The following TENM4 variants were observed in gnomAD, a reference collection of about 807,000 sequenced individuals.
TENM4 encodes the protein teneurin transmembrane protein 4.
TENM4 carries 82 observed loss-of-function variants against 243.3 expected under a neutral mutation model. That is an observed-to-expected ratio of 0.34 (90% CI 0.28 to 0.40). The LOEUF (loss-of-function observed/expected upper bound fraction) is 0.40, where lower values mean the gene tolerates loss of function less well. TENM4 is among the 10% of genes least tolerant of loss of function. TENM4 has a pLI of 1.00. For missense variants in TENM4, 3,138 were observed against 3,673.3 expected (o/e 0.85, Z 3.77); for synonymous variants, 1,412 against 1,456.3 (o/e 0.97, Z 0.69).
chr11:79,369,535 G>C (rs1323057533), intron 1 of TENM4, among the ~76,000 whole-genome samples: 6 of 152,138 alleles, frequency 3.9e-5, no homozygotes. Flanking sequence ...TCAAACAATT[G>C]ATAGCCAGGG....
chr11:79,236,086 C>T (rs1356240557), intron 2 of TENM4, among the ~76,000 whole-genome samples: 1 of 152,134 alleles, frequency 6.6e-6, no homozygotes, highest in East Asian at 1.9e-4. Context: ...TTCACGGTCC[C>T]TGGCCTATAT....
At chr11:78,814,804 T>C (rs1392756567) in intron 12 of TENM4, among the ~76,000 whole-genome samples, 1 of 152,230 alleles carries the variant, frequency 6.6e-6, no homozygotes, top group Admixed American at 6.5e-5. Context: ...TGATATTCCA[T>C]ACTTTGTTTT....
intron 15 of TENM4, among the ~76,000 whole-genome samples, chr11:78,802,012 G>A (rs1409122265): frequency 6.6e-6 from 1 of 152,194 alleles, no homozygotes; most frequent in Non-Finnish European, 1.5e-5. Flanking sequence ...AGAGGGTTAA[G>A]CCACATGATG....
rs564922120 is a variant in TENM4, at chr11:79,031,536, G to A, written c.493+33202C>T. ...TCAGTGGTAGGGTAGAGAGCTCACC[G>A]CTGCTGTCTCAGAATCCAGCACCGA... On this transcript the variant is annotated intron_variant, in intron 6 of 33. Transcript: ENST00000278550. 3.9e-5 allele frequency among the ~76,000 whole-genome samples: 6 copies of A among 152,142 alleles called. No homozygotes were observed. In the East Asian group the frequency reaches 5.8e-4, roughly 15 times the overall value.
At chr11:79,340,211 A>C (rs1857218867) in intron 1 of TENM4, among the ~76,000 whole-genome samples, 1 of 152,162 alleles carries the variant, frequency 6.6e-6, no homozygotes, top group African/African-American at 2.4e-5. Context: ...TCTCCTGAAG[A>C]TATTGAGAAG....
At chr11:78,859,599 A>T (rs1858766507) in intron 10 of TENM4, among the ~76,000 whole-genome samples, 1 of 152,242 alleles carries the variant, frequency 6.6e-6, no homozygotes, top group Admixed American at 6.5e-5. Context: ...TCTTGAACTG[A>T]GATCTACCTA....
intron 32 of TENM4, 45 bp from the exon 33 acceptor site, chr11:78,661,636 C>T (rs1417367179): frequency 1.9e-6 from 3 of 1,599,704 alleles, no homozygotes; most frequent in Non-Finnish European, 1.7e-6. Flanking sequence ...GTGAGTGGAC[C>T]TCATTTGCAA....
chr11:78,980,002 C>G (rs752469915), intron 6 of TENM4, among the ~76,000 whole-genome samples: 4 of 152,166 alleles, frequency 2.6e-5, no homozygotes, highest in Non-Finnish European at 5.9e-5. Flanking sequence ...ATTAAACTCT[C>G]TGAGTTACCA....
intron 1 of TENM4, among the ~76,000 whole-genome samples, chr11:79,429,996 C>T (rs1173937128): frequency 6.6e-6 from 1 of 152,078 alleles, no homozygotes; most frequent in Admixed American, 6.5e-5. Context: ...TAGCTGATGA[C>T]AAATTTAGTG....
At chr11:78,899,559 C>CGG (rs112067150) in intron 7 of TENM4, among the ~76,000 whole-genome samples, 406 of 29,340 alleles carry the variant, frequency 0.014, 4 homozygotes, top group East Asian at 0.028. Context: ...TCTCAAAAAG[C>CGG]GGGGGGGGGG....
At chr11:79,193,501 G>A (rs537343083) in intron 3 of TENM4, among the ~76,000 whole-genome samples, 7 of 152,262 alleles carry the variant, frequency 4.6e-5, no homozygotes, top group East Asian at 3.9e-4. Context: ...CTTGTGGCCC[G>A]GCCGGTCATA....
intron 1 of TENM4, among the ~76,000 whole-genome samples, chr11:79,298,911 T>C (rs956741727): frequency 6.6e-6 from 1 of 152,254 alleles, no homozygotes; most frequent in Admixed American, 6.5e-5. Flanking sequence ...AAAATGTTTC[T>C]GCAGCTCTCT....
chr11:78,842,350 G>A (rs151046577), intron 12 of TENM4, among the ~76,000 whole-genome samples: 309 of 152,264 alleles, frequency 2.0e-3, no homozygotes, highest in Middle Eastern at 0.014. Flanking sequence ...ATACAAAAGC[G>A]GTGGCATTTG....
In TENM4 at chr11:78,701,898, G is replaced by A. The variant is rs896293501; in HGVS notation, c.4715C>T (p.Thr1572Ile). The change falls in exon 28 of 34, where the codon ACC (threonine) becomes ATC (isoleucine). Residue 1572 changes from threonine (T) to isoleucine (I), a missense_variant. Thr to Ile is a moderately conservative substitution (Grantham distance 89). Coordinates refer to ENST00000278550, the MANE Select transcript of TENM4 (RefSeq NM_001098816.3). The stretch of plus-strand genomic sequence containing the variant: ...TGAAGACAGCTCATACATGTTCTGG[G>A]TGTTGAGGAAAGGCTTGTTCTTCCG... The part of the protein sequence containing the change: ...FIRKNKPFLN[T>I]QNMYELSSPI... 5 of 1,614,040 alleles carry A rather than the reference G, an allele frequency of 3.1e-6. No individual in the cohort carries two copies. The highest frequency in any genetic ancestry group is 3.3e-5 in the Admixed American group (2 of 60,030).
chr11:79,370,724 C>T (rs1857764848), intron 1 of TENM4, among the ~76,000 whole-genome samples: 1 of 120,208 alleles, frequency 8.3e-6, no homozygotes, highest in Non-Finnish European at 1.6e-5. Context: ...TCTTAAATAA[C>T]TTCTTAAAAC....
intron 2 of TENM4, among the ~76,000 whole-genome samples, chr11:79,284,589 T>C (rs2135370393): frequency 1.3e-5 from 2 of 152,252 alleles, no homozygotes; most frequent in Admixed American, 1.3e-4. Flanking sequence ...TCTAAAAATA[T>C]AAAACTCTTA....
At chr11:79,261,320 C>G (rs534883212) in intron 2 of TENM4, among the ~76,000 whole-genome samples, 1 of 152,082 alleles carries the variant, frequency 6.6e-6, no homozygotes, top group Non-Finnish European at 1.5e-5. Context: ...TAGATCTGAC[C>G]CCACAAACCT....
Position 78,702,211 on chromosome 11 carries a change from C to T in TENM4, c.4402G>A (p.Glu1468Lys). ...GAAACAGCCAAAGCGGTGGCTGACT[C>T]CAGGGTTGCGTGGATGGCCACCTTG... ...LSKVAIHATLESATALAVSHN... is the reference protein window; with the variant it reads ...LSKVAIHATLKSATALAVSHN... The change falls in exon 28 of 34, where the codon GAG (glutamate) becomes AAG (lysine). Residue 1468 changes from glutamate (E) to lysine (K), a missense_variant. Glu to Lys is a moderately conservative substitution (Grantham distance 56). Coordinates refer to ENST00000278550, the MANE Select transcript of TENM4 (RefSeq NM_001098816.3). The T allele has an allele frequency of 6.2e-7, 1 of 1,614,000 alleles. No homozygotes were observed. The highest frequency in any genetic ancestry group is 1.7e-5 in the Admixed American group (1 of 60,016).
At chr11:78,783,773 G>C (rs906781801) in intron 16 of TENM4, among the ~76,000 whole-genome samples, 8 of 152,184 alleles carry the variant, frequency 5.3e-5, no homozygotes, top group Non-Finnish European at 7.3e-5. Flanking sequence ...AACCTCTCTT[G>C]AGAAGAATCA....
Sources: allele counts gnomAD v4.1 joint callset (sites outside exome capture counted in the v4.1 genomes callset), GRCh38; gene constraint gnomAD v4.1.1; transcripts MANE v1.5; gene names NCBI Gene and HGNC (gene_info 2026-07-23, HGNC 2026-07-21).